Variants in RMDN1 observed in about 807,000 individuals in gnomAD.
The protein encoded by RMDN1 is regulator of microtubule dynamics protein 1.
Under a neutral mutation model 48.9 loss-of-function variants are expected in RMDN1, and 48 were observed. That is an observed-to-expected ratio of 0.98 (90% CI 0.78 to 1.25). The LOEUF is 1.25. Among genes scored for constraint, RMDN1 ranks in the 50% most tolerant of loss-of-function variants. The probability of loss-of-function intolerance (pLI) is 0.00; values close to 1 mark genes in which losing one functional copy is unlikely to be tolerated. For synonymous variants in RMDN1, 148 were observed against 132.6 expected, an observed-to-expected ratio of 1.12 and a Z score of -0.80; for missense variants, 418 against 373.4, an observed-to-expected ratio of 1.12 and a Z score of -0.98.
chr8:86,501,756 TGATAA>T (rs1025269233), intron 2 of RMDN1, among the ~76,000 whole-genome samples: 1 of 152,276 alleles, frequency 6.6e-6, no homozygotes, highest in Middle Eastern at 3.4e-3. Flanking sequence ...TATTATAATG[TGATAA>T]GATAATAAGA....
Position 86,473,192 on chromosome 8 carries a change from A to T in RMDN1, c.*1116T>A, listed in dbSNP as rs1812816557. The T allele has an allele frequency of 1.0e-6, 1 of 983,890 alleles. No homozygotes were observed. The highest frequency in any genetic ancestry group is 4.7e-5 in the South Asian group (1 of 21,288). The allele number at this position is 983,890 out of a possible 1,614,324, so 60.9% of individuals were successfully genotyped here. ...ATGTACATGACAAACATATCCATACAGTTCATTGTAACATTACAATTCCCA... is the reference window on the plus strand; with the variant it reads ...ATGTACATGACAAACATATCCATACTGTTCATTGTAACATTACAATTCCCA... On this transcript the variant is annotated 3_prime_UTR_variant, in exon 10 of 10. Transcript: ENST00000406452.
intron 3 of RMDN1, among the ~76,000 whole-genome samples, chr8:86,487,294 G>A (rs1815635449): frequency 6.6e-6 from 1 of 152,156 alleles, no homozygotes; most frequent in South Asian, 2.1e-4. Flanking sequence ...CACCACAACT[G>A]ACAGAAATAA....
chr8:86,490,278 G>A (rs976200319), intron 2 of RMDN1, among the ~76,000 whole-genome samples: 4 of 152,114 alleles, frequency 2.6e-5, no homozygotes, highest in South Asian at 2.1e-4. Flanking sequence ...ACATGTCAAC[G>A]GTGAACTGTA....
At position 86,478,934 on chromosome 8, in the gene RMDN1, TG is replaced by T; in HGVS notation, c.717del (p.Thr240ProfsTer6). The T allele has an allele frequency of 1.2e-6, 2 of 1,613,346 alleles. No individual in the cohort carries two copies. The highest frequency in any genetic ancestry group is 1.7e-6 in the Non-Finnish European group (2 of 1,179,380). On this transcript the variant is annotated frameshift_variant, in exon 7 of 10. Coordinates refer to ENST00000406452, the MANE Select transcript of RMDN1 (RefSeq NM_016033.3). LOFTEE classifies it high-confidence loss of function. ...GGACATCATACTACCTTCTCATAGGTGGAACTAGGAGGAGTTGCAAACAGCA... is the reference window on the plus strand; with the variant it reads ...GGACATCATACTACCTTCTCATAGGTGAACTAGGAGGAGTTGCAAACAGCA... ...AKMLFATPPS[S>X]TYEKALGYFH...
In RMDN1 at chr8:86,494,436, G is replaced by T. The variant is rs1816988338; in HGVS notation, c.248-5797C>A. On this transcript the variant is annotated intron_variant, in intron 2 of 9. Coordinates refer to ENST00000406452, the MANE Select transcript of RMDN1 (RefSeq NM_016033.3). ...CTGGGCATGGTGACACATGCCTGTA[G>T]TCCCAGCTACTAGGGAGGCCGAGGC... is the stretch of plus-strand genomic sequence containing the variant. Among the ~76,000 whole-genome samples, 3 of 151,782 alleles carry T rather than the reference G, an allele frequency of 2.0e-5. No individual in the cohort carries two copies. The South Asian group carries it at 6.2e-4, about 32-fold the overall frequency.
intron 5 of RMDN1, chr8:86,482,694 G>A (rs879897275): frequency 2.6e-5 from 25 of 972,262 alleles, no homozygotes; most frequent in Non-Finnish European, 4.0e-5. Context: ...TCATGATCAA[G>A]GGGACCCCAG....
chr8:86,513,384 A>T (rs189726246), upstream of RMDN1, among the ~76,000 whole-genome samples: 1 of 152,334 alleles, frequency 6.6e-6, no homozygotes, highest in South Asian at 2.1e-4. Flanking sequence ...TCAAAAAAAT[A>T]AAAATAAAAA....
At chr8:86,496,445 T>G (rs753054729) in intron 2 of RMDN1, among the ~76,000 whole-genome samples, 1 of 152,026 alleles carries the variant, frequency 6.6e-6, no homozygotes, top group Non-Finnish European at 1.5e-5. Flanking sequence ...AGAAAAGGAA[T>G]GGAGAAACAT....
At chr8:86,500,530 T>TA (rs34024970) in intron 2 of RMDN1, among the ~76,000 whole-genome samples, 42 of 144,524 alleles carry the variant, frequency 2.9e-4, no homozygotes, top group African/African-American at 6.9e-4. Context: ...AAAAAATAAT[T>TA]AAAAAAAAAA....
chr8:86,471,800 C>A (rs1812599048), downstream of RMDN1, among the ~76,000 whole-genome samples: 3 of 152,160 alleles, frequency 2.0e-5, 1 homozygote, highest in South Asian at 6.2e-4. Context: ...AACAGCGGTT[C>A]TCAAAGTGTG....
intron 2 of RMDN1, among the ~76,000 whole-genome samples, chr8:86,502,798 T>G (rs1818483942): frequency 6.6e-6 from 1 of 152,198 alleles, no homozygotes; most frequent in South Asian, 2.1e-4. Context: ...ATAAAATATT[T>G]CAGGCTTTGT....
chr8:86,481,994 G>A, intron 5 of RMDN1: 1 of 846,840 alleles, frequency 1.2e-6, no homozygotes, highest in Non-Finnish European at 2.0e-6. Flanking sequence ...ATGGTGTCCA[G>A]GAGTACAGTC....
chr8:86,483,750 C>A (rs979919316), intron 5 of RMDN1, among the ~76,000 whole-genome samples: 2 of 151,814 alleles, frequency 1.3e-5, no homozygotes, highest in Admixed American at 6.6e-5. Context: ...TCAGCACTAT[C>A]CCTATGTATG....
chr8:86,492,650 CTTA>C (rs1293412989), intron 2 of RMDN1, among the ~76,000 whole-genome samples: 1 of 118,022 alleles, frequency 8.5e-6, no homozygotes, highest in African/African-American at 3.3e-5. Context: ...AAGACTCCGC[CTTA>C]ATAATAATAA....
At chr8:86,492,381 G>A (rs1469646487) in intron 2 of RMDN1, among the ~76,000 whole-genome samples, 3 of 152,040 alleles carry the variant, frequency 2.0e-5, no homozygotes, top group African/African-American at 7.2e-5. Flanking sequence ...GGCCAGGCGT[G>A]GTGGCTCACA....
intron 1 of RMDN1, chr8:86,514,158 C>T (rs1820190879): frequency 1.5e-6 from 1 of 650,690 alleles, no homozygotes; most frequent in Non-Finnish European, 1.9e-6. Flanking sequence ...CCAGTCTTCT[C>T]AGTTCAGATA....
At chr8:86,485,012 A>G (rs1815226009) in intron 4 of RMDN1, 51 bp from the exon 5 acceptor site, 1 of 1,041,144 alleles carries the variant, frequency 9.6e-7, no homozygotes, top group Non-Finnish European at 1.4e-6. Context: ...TATTCCATTC[A>G]ATACAAGGTA....
Position 86,474,299 on chromosome 8 carries a change from G to A in RMDN1, c.*9C>T, listed in dbSNP as rs985876435. 6.2e-7 allele frequency: 1 copy of A among 1,613,372 alleles called. No individual in the cohort carries two copies. Among genetic ancestry groups the A allele is most frequent in the Admixed American group, 1.7e-5 (1 of 59,958 alleles). ...ATTAGCTATTTCATAAATCTTCTCT[G>A]AAAAGTTCTCAATTCTTCTCACTGA... On this transcript the variant is annotated 3_prime_UTR_variant, in exon 10 of 10. Coordinates refer to ENST00000406452, the MANE Select transcript of RMDN1 (RefSeq NM_016033.3).
intron 2 of RMDN1, among the ~76,000 whole-genome samples, chr8:86,493,113 A>G (rs1207836495): frequency 2.0e-5 from 3 of 152,176 alleles, no homozygotes; most frequent in African/African-American, 4.8e-5. Context: ...AGGATAAAAA[A>G]AAGTGTTTCT....
Sources: gnomAD v4.1 joint callset for allele counts (sites outside exome capture counted in the v4.1 genomes callset) on GRCh38, gnomAD v4.1.1 for gene constraint, MANE v1.5 for transcripts, NCBI Gene and HGNC (gene_info 2026-07-23, HGNC 2026-07-21) for gene names.